PLPP1: variants seen among roughly 807,000 people sequenced by gnomAD.
The protein encoded by PLPP1 is lipid phosphate phosphohydrolase 1a.
Under a neutral mutation model 31.2 loss-of-function variants are expected in PLPP1, and 24 were observed. That is an observed-to-expected ratio of 0.77 (90% CI 0.56 to 1.08). The LOEUF (loss-of-function observed/expected upper bound fraction) is 1.08, where lower values mean the gene tolerates loss of function less well. Among genes scored for constraint, PLPP1 ranks in the 50% least tolerant of loss-of-function variants. The probability of loss-of-function intolerance (pLI) is 0.00; values close to 1 mark genes in which losing one functional copy is unlikely to be tolerated. For missense variants in PLPP1, 319 were observed against 342.7 expected (o/e 0.93, Z 0.55); for synonymous variants, 146 against 126.3 (o/e 1.16, Z -1.05).
chr5:55,469,085 G>C (rs765477919), intron 2 of PLPP1, among the ~76,000 whole-genome samples: 85 of 152,230 alleles, frequency 5.6e-4, no homozygotes, highest in Non-Finnish European at 1.0e-3. Flanking sequence ...TGCTTTATAA[G>C]TTAACAAACC....
intron 1 of PLPP1, 127 bp downstream of exon 1, chr5:55,534,445 C>T (rs1490305944): frequency 6.9e-6 from 7 of 1,009,484 alleles, no homozygotes; most frequent in African/African-American, 3.4e-5. Flanking sequence ...GCAGAAGCCG[C>T]CCCCGTGTGT....
At chr5:55,476,498 C>G (rs956975698) in intron 1 of PLPP1, among the ~76,000 whole-genome samples, 3 of 152,148 alleles carry the variant, frequency 2.0e-5, no homozygotes, top group Non-Finnish European at 2.9e-5. Context: ...CTTCACTGAA[C>G]TTGACCTACT....
intron 2 of PLPP1, among the ~76,000 whole-genome samples, chr5:55,473,184 C>T (rs1752459205): frequency 6.6e-6 from 1 of 152,204 alleles, no homozygotes; most frequent in Non-Finnish European, 1.5e-5. Context: ...GAATTATAGA[C>T]TTGGCTTTCT....
chr5:55,437,498 TA>T (rs1164640600), intron 4 of PLPP1, among the ~76,000 whole-genome samples: 1 of 151,104 alleles, frequency 6.6e-6, no homozygotes, highest in East Asian at 1.9e-4. Flanking sequence ...CTACAAAGCC[TA>T]AATATTTATT....
chr5:55,427,137 T>A (rs190357911), intron 4 of PLPP1, among the ~76,000 whole-genome samples: 1 of 152,114 alleles, frequency 6.6e-6, no homozygotes, highest in Admixed American at 6.5e-5. Context: ...AATAACAATA[T>A]AATTTATAAC....
intron 1 of PLPP1, among the ~76,000 whole-genome samples, chr5:55,527,186 G>A (rs1438567903): frequency 3.3e-5 from 5 of 152,106 alleles, no homozygotes; most frequent in Admixed American, 3.3e-4. Context: ...TTCCCCCTTT[G>A]AGGAAGGGAC....
intron 4 of PLPP1, among the ~76,000 whole-genome samples, chr5:55,434,172 T>A (rs1239517323): frequency 7.1e-6 from 1 of 141,530 alleles, no homozygotes. Flanking sequence ...TAACAATAGC[T>A]ACAAAAAAAG....
At chr5:55,516,437 T>C (rs1370454785) in intron 1 of PLPP1, among the ~76,000 whole-genome samples, 1 of 152,236 alleles carries the variant, frequency 6.6e-6, no homozygotes, top group Non-Finnish European at 1.5e-5. Flanking sequence ...ACAATACTTA[T>C]TGGTTCATTT....
Position 55,466,775 on chromosome 5 carries a change from C to A in PLPP1, c.491+1094G>T, listed in dbSNP as rs182561530. ...AGGCCCACGTTGCTTTCAAGAATAC[C>A]AACAAAGACAATGAAGTATCTAGAA... On this transcript the variant is annotated intron_variant, in intron 3 of 5. Transcript: ENST00000307259. 6.7e-5 allele frequency among the ~76,000 whole-genome samples: 10 copies of A among 150,364 alleles called. No individual in the cohort carries two copies. The East Asian group carries it at 1.2e-3, about 18-fold the overall frequency.
intron 4 of PLPP1, among the ~76,000 whole-genome samples, chr5:55,430,426 T>C (rs1050369772): frequency 1.3e-5 from 2 of 152,238 alleles, no homozygotes; most frequent in Non-Finnish European, 2.9e-5. Flanking sequence ...AAATGCTTCA[T>C]TGCAGCAATT....
chr5:55,479,084 G>A lies in PLPP1; in HGVS notation c.59-3634C>T, dbSNP rs559327156. ...TTGCTGCCCAGGCTGGAGTGCAATG[G>A]TGCAATCTCGGCTCACTGCAACCTC... On this transcript the variant is annotated intron_variant, in intron 1 of 5. Coordinates refer to ENST00000307259, the MANE Select transcript of PLPP1 (RefSeq NM_003711.4). Among the ~76,000 whole-genome samples, 3 of 150,312 alleles carry A rather than the reference G, an allele frequency of 2.0e-5. No homozygotes were observed. The East Asian group carries it at 5.9e-4, about 29-fold the overall frequency.
At chr5:55,517,294 A>G (rs1210294695) in intron 1 of PLPP1, among the ~76,000 whole-genome samples, 4 of 152,102 alleles carry the variant, frequency 2.6e-5, no homozygotes, top group Non-Finnish European at 4.4e-5. Context: ...GGCTCAGGTG[A>G]TCCACCTCAA....
At chr5:55,511,687 G>GGAGTCTA (rs1753415906) in intron 1 of PLPP1, among the ~76,000 whole-genome samples, 1 of 110,716 alleles carries the variant, frequency 9.0e-6, no homozygotes, top group Non-Finnish European at 1.7e-5. Context: ...TTTTTGAGAT[G>GGAGTCTA]GAGTCTAGCT....
chr5:55,460,721 C>G (rs1192894831), intron 3 of PLPP1, among the ~76,000 whole-genome samples: 1 of 152,106 alleles, frequency 6.6e-6, no homozygotes, highest in Non-Finnish European at 1.5e-5. Flanking sequence ...AGGCATGCAC[C>G]TGTAGTCCCA....
intron 2 of PLPP1, among the ~76,000 whole-genome samples, chr5:55,473,062 T>C (rs1393415117): frequency 2.6e-5 from 4 of 152,208 alleles, no homozygotes; most frequent in Non-Finnish European, 4.4e-5. Context: ...CTGTCTGAAA[T>C]TGGCTATTTG....
chr5:55,530,720 G>C (rs1420778664), intron 1 of PLPP1: 8 of 1,570,694 alleles, frequency 5.1e-6, no homozygotes, highest in Non-Finnish European at 7.0e-6. Context: ...ACATTTCCAC[G>C]ACACAGGGGA....
At chr5:55,500,078 T>A (rs538723186) in intron 1 of PLPP1, among the ~76,000 whole-genome samples, 534 of 5,320 alleles carry the variant, frequency 0.1, 4 homozygotes, top group African/African-American at 0.19. Flanking sequence ...TCTCTAAAAA[T>A]TTTTTTTTTT....
At chr5:55,501,145 T>C (rs1396277539) in intron 1 of PLPP1, among the ~76,000 whole-genome samples, 2 of 152,054 alleles carry the variant, frequency 1.3e-5, no homozygotes, top group African/African-American at 4.8e-5. Flanking sequence ...AAACCCCATC[T>C]CTACTAAAAA....
chr5:55,444,324 G>A (rs1388578392), intron 3 of PLPP1, among the ~76,000 whole-genome samples: 2 of 152,138 alleles, frequency 1.3e-5, no homozygotes, highest in African/African-American at 4.8e-5. Context: ...CATGTGATCC[G>A]TCGCCCTCGG....
Sources: allele counts gnomAD v4.1 joint callset (sites outside exome capture counted in the v4.1 genomes callset), GRCh38; gene constraint gnomAD v4.1.1; transcripts MANE v1.5; gene names NCBI Gene and HGNC (gene_info 2026-07-23, HGNC 2026-07-21).